AUTS2: variants seen among roughly 807,000 people sequenced by gnomAD.
The protein encoded by AUTS2 is activator of transcription and developmental regulator AUTS2, also known as autism susceptibility gene 2 protein.
AUTS2 carries 17 observed loss-of-function variants against 112.4 expected under a neutral mutation model. The observed-to-expected ratio is 0.15, with a 90% CI of 0.10 to 0.23. AUTS2 has a LOEUF of 0.23. Ranked by LOEUF, AUTS2 falls within the 10% of genes least tolerant of loss-of-function variation. The pLI is 1.00. For missense variants in AUTS2, 1,510 were observed against 1,701.6 expected (o/e 0.89, Z 1.98); for synonymous variants, 751 against 702.7 (o/e 1.07, Z -1.09).
intron 5 of AUTS2, among the ~76,000 whole-genome samples, chr7:70,452,055 CTG>C (rs1352101810): frequency 1.3e-5 from 2 of 152,198 alleles, no homozygotes; most frequent in Non-Finnish European, 2.9e-5. Context: ...CAACATAGTG[CTG>C]TGTGACTGCG....
At chr7:70,585,322 G>T (rs963241507) in intron 5 of AUTS2, among the ~76,000 whole-genome samples, 1 of 152,168 alleles carries the variant, frequency 6.6e-6, no homozygotes, top group Non-Finnish European at 1.5e-5. Context: ...GGCTGCTGGT[G>T]TTTTCTTGCG....
intron 4 of AUTS2, chr7:70,194,826 G>C (rs982295833): frequency 2.0e-5 from 3 of 152,206 alleles, no homozygotes; most frequent in Admixed American, 2.0e-4. Flanking sequence ...CTTAAGAAGA[G>C]AGCTGGTGAG....
At chr7:69,930,314 G>A (rs1174553232) in intron 2 of AUTS2, among the ~76,000 whole-genome samples, 1 of 151,848 alleles carries the variant, frequency 6.6e-6, no homozygotes, top group Non-Finnish European at 1.5e-5. Context: ...CTCTCTCTGT[G>A]TAATTCTCTT....
chr7:70,766,038 C>T lies in AUTS2; in HGVS notation c.1469-76C>T, dbSNP rs2129557461. ...CTGCCACTGTGTCACCAGCCCCGTA[C>T]CCCTCCACAGGAAGGCAGTCCGATG... On this transcript the variant is annotated intron_variant, in intron 8 of 18. Coordinates refer to ENST00000342771, the MANE Select transcript of AUTS2 (RefSeq NM_015570.4). The surrounding 1 kb of genome is among the most constrained non-coding windows in gnomAD (Gnocchi z 4.8). 1.3e-6 allele frequency: 2 copies of T among 1,562,102 alleles called. No individual in the cohort carries two copies. Among genetic ancestry groups the T allele is most frequent in the South Asian group, 1.2e-5 (1 of 81,878 alleles).
chr7:69,730,524 T>C (rs1786747118), intron 1 of AUTS2, among the ~76,000 whole-genome samples: 1 of 152,224 alleles, frequency 6.6e-6, no homozygotes, highest in South Asian at 2.1e-4. Flanking sequence ...GCTCGTGTTA[T>C]TCATATCTTG....
At chr7:69,715,191 CCTT>C (rs1026400663) in intron 1 of AUTS2, among the ~76,000 whole-genome samples, 1 of 148,282 alleles carries the variant, frequency 6.7e-6, no homozygotes, top group Non-Finnish European at 1.5e-5. Context: ...TGATACAGCT[CCTT>C]CTTTGGCTTG....
intron 4 of AUTS2, among the ~76,000 whole-genome samples, chr7:70,310,337 G>A (rs1221225873): frequency 2.0e-5 from 3 of 152,084 alleles, no homozygotes; most frequent in Admixed American, 6.5e-5. Flanking sequence ...GAGGCCGGAC[G>A]CGGTGGCTCA....
intron 6 of AUTS2, among the ~76,000 whole-genome samples, chr7:70,721,643 G>C (rs1585570060): frequency 6.6e-6 from 1 of 152,100 alleles, no homozygotes; most frequent in Non-Finnish European, 1.5e-5. Context: ...ACATAGCTTT[G>C]CTTGTAGCAG....
At chr7:69,654,374 A>G (rs1225228889) in intron 1 of AUTS2, among the ~76,000 whole-genome samples, 1 of 152,148 alleles carries the variant, frequency 6.6e-6, no homozygotes, top group Non-Finnish European at 1.5e-5. Flanking sequence ...GCCCTTTCAT[A>G]TCCTGCCCCA....
Position 70,604,717 on chromosome 7 carries a change from G to A in AUTS2, c.691-93852G>A, listed in dbSNP as rs900364062. On this transcript the variant is annotated intron_variant, in intron 5 of 18. Coordinates refer to ENST00000342771, the MANE Select transcript of AUTS2 (RefSeq NM_015570.4). ...AAGCTATGGACAAGAAAGGAGAACC[G>A]AACCACTCAGACCACCACAGTCCTT... Among the ~76,000 whole-genome samples, 4 of 152,268 alleles carry A rather than the reference G, an allele frequency of 2.6e-5. No homozygotes were observed. In the East Asian group the frequency reaches 5.8e-4, roughly 22 times the overall value.
In AUTS2 at chr7:70,694,505, TCCTCCCTCTCCCTCCTC is replaced by T. The variant is rs897758136; in HGVS notation, c.691-4055_691-4039del. On this transcript the variant is annotated intron_variant, in intron 5 of 18. Coordinates refer to ENST00000342771, the MANE Select transcript of AUTS2 (RefSeq NM_015570.4). The surrounding 1 kb of genome is among the most constrained non-coding windows in gnomAD (Gnocchi z 4.1). ...AAGCCGCCGCGCGCCCTCCTCCTCC[TCCTCCCTCTCCCTCCTC>T]CCTCCCTCCGCACATGGTCTCCTTT... 1 of 147,400 alleles carries T rather than the reference TCCTCCCTCTCCCTCCTC, an allele frequency of 6.8e-6. No homozygotes were observed. The highest frequency in any genetic ancestry group is 1.5e-5 in the Non-Finnish European group (1 of 66,674). The allele number at this position is 147,400 out of a possible 1,614,324, so 9.1% of individuals were successfully genotyped here. A position where few individuals can be genotyped will look rare whatever the true frequency, so the allele number is the denominator to read the frequency against.
At chr7:69,634,500 T>G (rs1794426927) in intron 1 of AUTS2, among the ~76,000 whole-genome samples, 1 of 152,182 alleles carries the variant, frequency 6.6e-6, no homozygotes, top group African/African-American at 2.4e-5. Context: ...ATCTTGTTAG[T>G]TATATTTGGG....
intron 2 of AUTS2, among the ~76,000 whole-genome samples, chr7:70,013,261 A>C (rs1021310357): frequency 6.6e-6 from 1 of 152,210 alleles, no homozygotes; most frequent in African/African-American, 2.4e-5. Flanking sequence ...CTGACTGTCT[A>C]AACCTTGAGG....
At chr7:70,620,100 C>T (rs1445577175) in intron 5 of AUTS2, among the ~76,000 whole-genome samples, 1 of 152,120 alleles carries the variant, frequency 6.6e-6, no homozygotes, top group Non-Finnish European at 1.5e-5. Context: ...CCTGGGAGTG[C>T]TGCGGGCAGA....
At chr7:69,806,656 C>T (rs894143729) in intron 1 of AUTS2, among the ~76,000 whole-genome samples, 2 of 152,138 alleles carry the variant, frequency 1.3e-5, no homozygotes, top group Non-Finnish European at 2.9e-5. Context: ...GAGCTAGACT[C>T]TGTTACCCTC....
chr7:70,227,314 TAA>T (rs35985477), intron 4 of AUTS2, among the ~76,000 whole-genome samples: 3 of 144,784 alleles, frequency 2.1e-5, no homozygotes, highest in Admixed American at 6.9e-5. Flanking sequence ...CTCATGCATT[TAA>T]AAAAAAAAAA....
At chr7:69,671,080 A>C (rs539120422) in intron 1 of AUTS2, among the ~76,000 whole-genome samples, 1 of 152,326 alleles carries the variant, frequency 6.6e-6, no homozygotes, top group South Asian at 2.1e-4. Context: ...GGCAAAGTAT[A>C]AAAAGAAATG....
intron 1 of AUTS2, among the ~76,000 whole-genome samples, chr7:69,803,423 G>A (rs575883708): frequency 6.6e-6 from 1 of 152,126 alleles, no homozygotes; most frequent in African/African-American, 2.4e-5. Flanking sequence ...TCTCTATAAT[G>A]ATGTTGGATT....
At chr7:70,160,492 A>T (rs1390113574) in intron 4 of AUTS2, among the ~76,000 whole-genome samples, 1 of 152,208 alleles carries the variant, frequency 6.6e-6, no homozygotes, top group African/African-American at 2.4e-5. Flanking sequence ...CATTTAGCCA[A>T]AGTTAGTCTC....
Sources: gnomAD v4.1 joint callset for allele counts (sites outside exome capture counted in the v4.1 genomes callset) on GRCh38, gnomAD v4.1.1 for gene constraint, Gnocchi (gnomAD v3.1) non-coding constraint, MANE v1.5 for transcripts, NCBI Gene and HGNC (gene_info 2026-07-23, HGNC 2026-07-21) for gene names.